The following ADGRB1 variants were observed in gnomAD, a reference collection of about 807,000 sequenced individuals.
ADGRB1 encodes the protein brain-specific angiogenesis inhibitor 1.
A neutral mutation model predicts 175.7 loss-of-function variants in ADGRB1; 36 were observed. The observed-to-expected ratio is 0.20, with a 90% CI of 0.16 to 0.27. ADGRB1 has a LOEUF of 0.27. Among genes scored for constraint, ADGRB1 ranks in the 10% least tolerant of loss-of-function variants. The pLI, the probability that ADGRB1 is intolerant of heterozygous loss-of-function variation, is 1.00. For synonymous variants in ADGRB1, 1,054 were observed against 979.4 expected, an observed-to-expected ratio of 1.08 and a Z score of -1.42; for missense variants, 1,731 against 2,255.3, an observed-to-expected ratio of 0.77 and a Z score of 4.71.
intron 17 of ADGRB1, among the ~76,000 whole-genome samples, chr8:142,509,755 C>CAAA (rs1319001789): frequency 6.6e-6 from 1 of 152,236 alleles, no homozygotes; most frequent in East Asian, 1.9e-4. Flanking sequence ...GAGGCCTTTT[C>CAAA]AGCCGTGGGT....
intron 19 of ADGRB1, among the ~76,000 whole-genome samples, chr8:142,518,647 C>CA (rs1159438943): frequency 6.6e-6 from 1 of 152,258 alleles, no homozygotes; most frequent in Admixed American, 6.5e-5. Flanking sequence ...CCCAAGGCCA[C>CA]AGGGCTCTCA....
chr8:142,476,717 G>A (rs1485796613), intron 4 of ADGRB1, 22 bp downstream of exon 4: 2 of 1,536,066 alleles, frequency 1.3e-6, no homozygotes, highest in Non-Finnish European at 1.8e-6. Flanking sequence ...GGAGGGGGGT[G>A]GGTGGGACTA....
intron 18 of ADGRB1, among the ~76,000 whole-genome samples, chr8:142,516,477 G>T (rs1192993261): frequency 1.5e-5 from 2 of 132,482 alleles, no homozygotes; most frequent in African/African-American, 5.8e-5. Flanking sequence ...AGATGTGTGT[G>T]TGTGCGCGCG....
intron 2 of ADGRB1, among the ~76,000 whole-genome samples, chr8:142,469,589 ATGTG>A (rs202096364): frequency 6.0e-5 from 6 of 100,462 alleles, no homozygotes; most frequent in African/African-American, 8.2e-5. Flanking sequence ...GCATGTGTGA[ATGTG>A]TGTGTGCACG....
intron 23 of ADGRB1, 41 bp downstream of exon 23, chr8:142,524,345 G>T: frequency 6.5e-7 from 1 of 1,545,508 alleles, no homozygotes; most frequent in Non-Finnish European, 8.7e-7. Context: ...GACCCCACCT[G>T]GGCCCCCCAC....
chr8:142,509,643 C>G (rs1408845078), intron 17 of ADGRB1, among the ~76,000 whole-genome samples: 1 of 152,240 alleles, frequency 6.6e-6, no homozygotes, highest in Non-Finnish European at 1.5e-5. Context: ...GGTAAAACTG[C>G]AGCATGGAGG....
chr8:142,528,682 C>T (rs79954301), intron 24 of ADGRB1, among the ~76,000 whole-genome samples: 1,867 of 152,206 alleles, frequency 0.012, 31 homozygotes, highest in African/African-American at 0.042. Flanking sequence ...TAGGCCCACC[C>T]TTGGGGCTCC....
chr8:142,493,679 G>A lies in ADGRB1; in HGVS notation c.2675+2864G>A, dbSNP rs1283469904. ...CACCTGCTGCCTGTGAGGAGCTGAG[G>A]CCCTGAGACTCCTACAGTCCCGCTG... On this transcript the variant is annotated intron_variant, in intron 17 of 30. Coordinates refer to ENST00000517894, the MANE Select transcript of ADGRB1 (RefSeq NM_001702.3). This position sits in a 1 kb window ranked among gnomAD's most constrained non-coding sequence, Gnocchi z 5.0. Among the ~76,000 whole-genome samples, 1 of 152,236 alleles carries A rather than the reference G, an allele frequency of 6.6e-6. No individual in the cohort carries two copies. Among genetic ancestry groups the A allele is most frequent in the Non-Finnish European group, 1.5e-5 (1 of 68,038 alleles).
intron 14 of ADGRB1, 47 bp downstream of exon 14, chr8:142,488,554 C>T (rs771091856): frequency 1.3e-6 from 2 of 1,599,542 alleles, no homozygotes; most frequent in Admixed American, 1.7e-5. Context: ...GGGACGTGGG[C>T]CCCAGAGTCG....
intron 9 of ADGRB1, among the ~76,000 whole-genome samples, chr8:142,480,544 AAAG>A (rs990920296): frequency 6.6e-5 from 10 of 152,170 alleles, no homozygotes; most frequent in Non-Finnish European, 1.5e-4. Flanking sequence ...TGAGAAGCAA[AAAG>A]AAGCACGTGA....
At chr8:142,491,493 C>T (rs1422712929) in intron 17 of ADGRB1, among the ~76,000 whole-genome samples, 1 of 152,218 alleles carries the variant, frequency 6.6e-6, no homozygotes, top group Non-Finnish European at 1.5e-5. Flanking sequence ...CGCCCAGTCA[C>T]AGGAAGAGTC....
chr8:142,452,196 C>G (rs1252574940), intron 1 of ADGRB1, among the ~76,000 whole-genome samples: 2 of 152,198 alleles, frequency 1.3e-5, no homozygotes, highest in Non-Finnish European at 2.9e-5. Flanking sequence ...TGTTGCGCCT[C>G]GATCTGGGGG....
chr8:142,453,003 C>A (rs1405993434), intron 1 of ADGRB1, among the ~76,000 whole-genome samples: 3 of 147,752 alleles, frequency 2.0e-5, no homozygotes, highest in Non-Finnish European at 4.5e-5. Context: ...CCATCTTGGG[C>A]AGCCCCGGCC....
intron 17 of ADGRB1, among the ~76,000 whole-genome samples, chr8:142,509,906 T>C (rs1008724911): frequency 6.6e-6 from 1 of 152,068 alleles, no homozygotes; most frequent in Non-Finnish European, 1.5e-5. Context: ...GGACTCAGCC[T>C]CAGAGAGGGC....
chr8:142,474,423 G>A lies in ADGRB1; in HGVS notation c.785-1051G>A, dbSNP rs906809255. On this transcript the variant is annotated intron_variant, in intron 2 of 30. Coordinates refer to ENST00000517894, the MANE Select transcript of ADGRB1 (RefSeq NM_001702.3). The surrounding 1 kb of genome is among the most constrained non-coding windows in gnomAD (Gnocchi z 5.8). Reference sequence around the variant, plus strand: ...AAGGGCTGCATGCCCTTTCCAAGTCGCCCGACCCTGCTGCACAGGGTGTAC... The same window carrying A: ...AAGGGCTGCATGCCCTTTCCAAGTCACCCGACCCTGCTGCACAGGGTGTAC... Among the ~76,000 whole-genome samples, 5 of 152,120 alleles carry A rather than the reference G, an allele frequency of 3.3e-5. No individual in the cohort carries two copies. The highest frequency in any genetic ancestry group is 9.7e-5 in the African/African-American group (4 of 41,426).
intron 17 of ADGRB1, among the ~76,000 whole-genome samples, chr8:142,500,987 G>C (rs1444160784): frequency 2.6e-5 from 4 of 152,166 alleles, no homozygotes; most frequent in Non-Finnish European, 5.9e-5. Flanking sequence ...GCCTGGTTCT[G>C]CTTGCACTGC....
intron 13 of ADGRB1, 86 bp downstream of exon 13, chr8:142,484,850 T>C: frequency 9.6e-7 from 1 of 1,046,500 alleles, no homozygotes; most frequent in Non-Finnish European, 1.4e-6. Flanking sequence ...CTCATCTGTA[T>C]AAAGGGGCAG....
chr8:142,476,499 G>A, intron 3 of ADGRB1, 86 bp from the exon 4 acceptor site: 1 of 1,267,508 alleles, frequency 7.9e-7, no homozygotes, highest in Non-Finnish European at 1.1e-6. Context: ...GTGGCCCAGT[G>A]CTGCCGAACT....
chr8:142,484,141 C>G (rs1841535834), intron 12 of ADGRB1, 96 bp downstream of exon 12: 1 of 1,089,686 alleles, frequency 9.2e-7, no homozygotes, highest in Admixed American at 2.3e-5. Context: ...TGGGGTCCCG[C>G]CGGGTGCTCT....
Sources: gnomAD v4.1 joint callset for allele counts (sites outside exome capture counted in the v4.1 genomes callset) on GRCh38, gnomAD v4.1.1 for gene constraint, Gnocchi (gnomAD v3.1) non-coding constraint, MANE v1.5 for transcripts, NCBI Gene and HGNC (gene_info 2026-07-23, HGNC 2026-07-21) for gene names.